VGLL4: variants seen among roughly 807,000 people sequenced by gnomAD.
The protein encoded by VGLL4 is transcription cofactor vestigial-like protein 4.
Under a neutral mutation model 21.0 loss-of-function variants are expected in VGLL4, and 7 were observed. That is an observed-to-expected ratio of 0.33 (90% confidence interval 0.19 to 0.63). The LOEUF (loss-of-function observed/expected upper bound fraction) is 0.63. Ranked by LOEUF, VGLL4 falls within the 20% of genes least tolerant of loss-of-function variation. The pLI is 0.78. For missense variants in VGLL4, 394 were observed against 425.7 expected (o/e 0.93, Z 0.66); for synonymous variants, 222 against 173.2 (o/e 1.28, Z -2.21).
At chr3:11,650,041 G>C (rs1253774097) in intron 2 of VGLL4, among the ~76,000 whole-genome samples, 1 of 152,024 alleles carries the variant, frequency 6.6e-6, no homozygotes, top group African/African-American at 2.4e-5. Flanking sequence ...CCAGGCTCAA[G>C]TGATCCTTCC....
chr3:11,596,375 A>C (rs1227607196), intron 2 of VGLL4, among the ~76,000 whole-genome samples: 1 of 152,264 alleles, frequency 6.6e-6, no homozygotes, highest in African/African-American at 2.4e-5. Flanking sequence ...GAAAAACCAT[A>C]AACAAATCCT....
At chr3:11,704,486 A>C (rs1284591525) in intron 1 of VGLL4, among the ~76,000 whole-genome samples, 1 of 152,026 alleles carries the variant, frequency 6.6e-6, no homozygotes, top group Non-Finnish European at 1.5e-5. Context: ...AAATATCTAC[A>C]AGGAGCTCCA....
intron 2 of VGLL4, among the ~76,000 whole-genome samples, chr3:11,689,628 T>C (rs909491254): frequency 8.5e-5 from 13 of 152,224 alleles, no homozygotes; most frequent in Non-Finnish European, 1.6e-4. Context: ...TCATACTATT[T>C]ATTCTCCTCA....
intron 1 of VGLL4, chr3:11,612,483 T>C (rs562290533): frequency 1.3e-5 from 2 of 152,326 alleles, no homozygotes; most frequent in East Asian, 1.9e-4. Flanking sequence ...GGTTTTAGCT[T>C]TGTAAATCAT....
chr3:11,598,631 AG>A, intron 2 of VGLL4, among the ~76,000 whole-genome samples: 1 of 152,088 alleles, frequency 6.6e-6, no homozygotes, highest in Non-Finnish European at 1.5e-5. Context: ...CTGGGAGCAA[AG>A]GAACACTCCA....
At chr3:11,611,314 A>G (rs149877861) in intron 1 of VGLL4, among the ~76,000 whole-genome samples, 289 of 152,310 alleles carry the variant, frequency 1.9e-3, no homozygotes, top group African/African-American at 6.2e-3. Flanking sequence ...TGTTGTCCCT[A>G]TAACAAGAGA....
intron 1 of VGLL4, among the ~76,000 whole-genome samples, chr3:11,605,930 G>A (rs9830831): frequency 0.26 from 39,720 of 152,162 alleles, 5,698 homozygotes; most frequent in African/African-American, 0.37. Flanking sequence ...AGGCATTTCC[G>A]AAGAGAAGAT....
rs1279171345 is a variant in VGLL4, at chr3:11,604,550, G to GT, written c.83-2529dup. The GT allele has an allele frequency of 8.7e-5, 81 of 935,516 alleles. 11 individuals are homozygous for GT. The Middle Eastern group carries it at 1.7e-3, about 19-fold the overall frequency. 58.0% of individuals were successfully genotyped at this position (935,516 alleles called of 1,614,324 possible). A position where few individuals can be genotyped will look rare whatever the true frequency, so the allele number is the denominator to read the frequency against. On this transcript the variant is annotated intron_variant, in intron 1 of 4. Coordinates refer to ENST00000430365, the MANE Select transcript of VGLL4 (RefSeq NM_001128219.3). ...AACACTTGTATGTTAGACAAGAGTG[G>GT]TAACTGTTGTATGTGTGGTGGGGTT... is the stretch of plus-strand genomic sequence containing the variant.
exon 1 of VGLL4, chr3:11,720,729 C>G (rs1343295323): frequency 6.6e-6 from 1 of 152,360 alleles, no homozygotes; most frequent in Non-Finnish European, 1.5e-5. Context: ...GTCCACAACC[C>G]GGACTGCTCT....
chr3:11,627,958 T>C (rs953447571), intron 1 of VGLL4, among the ~76,000 whole-genome samples: 1 of 152,234 alleles, frequency 6.6e-6, no homozygotes, highest in Non-Finnish European at 1.5e-5. Context: ...AGGATTACTA[T>C]GGTTAACAGT....
At position 11,672,555 on chromosome 3, in the gene VGLL4, T is replaced by C. The variant is rs138002895; in HGVS notation, c.64+30416A>G. Among the ~76,000 whole-genome samples the C allele has an allele frequency of 2.0e-5, 3 of 152,328 alleles. No homozygotes were observed. The East Asian group carries it at 5.8e-4, about 29-fold the overall frequency. On this transcript the variant is annotated intron_variant, in intron 2 of 5. Coordinates refer to the VGLL4 transcript ENST00000273038. ...TCAAAATTTGTACAAACATCATCTG[T>C]CAAACTTCTGCAAGGTAATGACATA...
chr3:11,674,657 A>T, intron 2 of VGLL4, among the ~76,000 whole-genome samples: 1 of 152,208 alleles, frequency 6.6e-6, no homozygotes, highest in East Asian at 1.9e-4. Context: ...AGAAACCTGG[A>T]AATGTGAAGG....
intron 1 of VGLL4, among the ~76,000 whole-genome samples, chr3:11,718,660 G>A (rs1206171168): frequency 6.6e-6 from 1 of 152,072 alleles, no homozygotes; most frequent in Non-Finnish European, 1.5e-5. Context: ...CTCCTTCTGA[G>A]TAGAGGTAGG....
chr3:11,564,602 G>GAA (rs1214413701), intron 3 of VGLL4, among the ~76,000 whole-genome samples, 195 bp downstream of exon 3: 1 of 150,666 alleles, frequency 6.6e-6, no homozygotes, highest in Non-Finnish European at 1.5e-5. Context: ...AGTAAAAGCA[G>GAA]AAGAGGACTC....
intron 2 of VGLL4, among the ~76,000 whole-genome samples, chr3:11,597,729 T>C (rs2074680400): frequency 6.6e-6 from 1 of 152,108 alleles, no homozygotes; most frequent in African/African-American, 2.4e-5. Context: ...GGGAGATGGA[T>C]TTGCCCCATC....
At chr3:11,619,237 G>A (rs6770931) in intron 1 of VGLL4, among the ~76,000 whole-genome samples, 9,428 of 152,214 alleles carry the variant, frequency 0.062, 990 homozygotes, top group African/African-American at 0.22. Flanking sequence ...AGAGGCAGGC[G>A]GTAGCTTAAT....
At chr3:11,629,644 G>A (rs567884591) in intron 1 of VGLL4, among the ~76,000 whole-genome samples, 53 of 151,874 alleles carry the variant, frequency 3.5e-4, no homozygotes, top group African/African-American at 1.2e-3. Context: ...CTACTCGGGA[G>A]GCTGAGGTAG....
intron 2 of VGLL4, among the ~76,000 whole-genome samples, chr3:11,575,126 C>A (rs993604505): frequency 6.6e-6 from 1 of 152,194 alleles, no homozygotes; most frequent in African/African-American, 2.4e-5. Flanking sequence ...CTGCCTGGGG[C>A]CATGTGGCTG....
intron 2 of VGLL4, among the ~76,000 whole-genome samples, chr3:11,584,439 A>C (rs1311513149): frequency 1.3e-5 from 2 of 152,180 alleles, no homozygotes; most frequent in Admixed American, 6.5e-5. Context: ...ACCTGTGGGA[A>C]GATGCCGAGA....
Sources: gnomAD v4.1 joint callset for allele counts (sites outside exome capture counted in the v4.1 genomes callset) on GRCh38, gnomAD v4.1.1 for gene constraint, MANE v1.5 for transcripts, NCBI Gene and HGNC (gene_info 2026-07-23, HGNC 2026-07-21) for gene names.